The following VCL variants were observed in gnomAD, a reference collection of about 807,000 sequenced individuals.
The protein encoded by VCL is epididymis luminal protein 114.
Under a neutral mutation model 125.7 loss-of-function variants are expected in VCL, and 47 were observed. The ratio of observed to expected loss-of-function variants is 0.37; its 90% CI spans 0.30 to 0.48. The LOEUF is 0.48. Ranked by LOEUF, VCL falls within the 20% of genes least tolerant of loss-of-function variation. The pLI is 0.99. For synonymous variants in VCL, 458 were observed against 514.6 expected, an observed-to-expected ratio of 0.89 and a Z score of 1.49; for missense variants, 1,069 against 1,455.5, an observed-to-expected ratio of 0.73 and a Z score of 4.32.
chr10:74,035,106 A>T (rs1840947322), intron 1 of VCL, among the ~76,000 whole-genome samples: 3 of 152,158 alleles, frequency 2.0e-5, no homozygotes, highest in African/African-American at 7.2e-5. Flanking sequence ...TTTAGTTACG[A>T]CTTACATTGT....
At chr10:74,105,597 C>T (rs960863940) in intron 16 of VCL, among the ~76,000 whole-genome samples, 8 of 152,076 alleles carry the variant, frequency 5.3e-5, no homozygotes, top group Non-Finnish European at 1.2e-4. Flanking sequence ...GAGACTCTCA[C>T]CCAGGCCAGA....
intron 1 of VCL, among the ~76,000 whole-genome samples, chr10:74,021,381 A>G (rs772421036): frequency 6.7e-6 from 1 of 149,912 alleles, no homozygotes. Flanking sequence ...CATTTTCAGC[A>G]CTGCAGTTTT....
At chr10:74,035,489 A>G (rs773641779) in intron 1 of VCL, among the ~76,000 whole-genome samples, 38 of 152,280 alleles carry the variant, frequency 2.5e-4, no homozygotes, top group Non-Finnish European at 5.1e-4. Flanking sequence ...AAATGCCCCC[A>G]GGCCTCTTAT....
chr10:74,030,818 C>T (rs926298753), intron 1 of VCL, among the ~76,000 whole-genome samples: 5 of 152,106 alleles, frequency 3.3e-5, no homozygotes, highest in African/African-American at 4.8e-5. Flanking sequence ...ATTATTGGAA[C>T]GCTAAGCTTG....
In VCL at chr10:74,107,296, C is replaced by G. The variant is rs779983509; in HGVS notation, c.2501C>G (p.Ala834Gly). ...ILGAVAKVRE[A>G]FQPQEPDFPP... is the part of the protein sequence containing the mutation. Reference sequence around the variant, plus strand: ...GGAGCTGTGGCCAAGGTCAGAGAAGCCTTCCAACCTCAGGAGCCTGACTTC... The same window carrying G: ...GGAGCTGTGGCCAAGGTCAGAGAAGGCTTCCAACCTCAGGAGCCTGACTTC... Residue 834 changes from alanine (A) to glycine (G), a missense_variant, in exon 17 of 22, where the codon GCC becomes GGC. Physicochemically the swap from Ala to Gly is moderately conservative, Grantham distance 60. Transcript: ENST00000211998. 2 of 1,614,200 alleles carry G rather than the reference C, an allele frequency of 1.2e-6. No individual in the cohort carries two copies. Among genetic ancestry groups the G allele is most frequent in the South Asian group, 1.1e-5 (1 of 91,088 alleles).
At chr10:74,073,746 C>T (rs1839530049) in intron 5 of VCL, among the ~76,000 whole-genome samples, 2 of 152,282 alleles carry the variant, frequency 1.3e-5, no homozygotes, top group East Asian at 3.9e-4. Context: ...GGGAGTAGCA[C>T]TTATTGAGTG....
At chr10:74,091,086 C>A (rs1206314268) in intron 10 of VCL, among the ~76,000 whole-genome samples, 7 of 152,172 alleles carry the variant, frequency 4.6e-5, no homozygotes, top group African/African-American at 1.7e-4. Flanking sequence ...CAGGCATGAG[C>A]CACTGCACCT....
intron 2 of VCL, among the ~76,000 whole-genome samples, chr10:74,065,732 G>A (rs941268632): frequency 6.6e-5 from 10 of 151,490 alleles, no homozygotes; most frequent in East Asian, 1.9e-4. Context: ...ATAGTTTATC[G>A]TTTCACATTG....
chr10:74,105,471 C>A, intron 16 of VCL, 118 bp downstream of exon 16: 1 of 1,257,926 alleles, frequency 7.9e-7, no homozygotes, highest in Non-Finnish European at 1.1e-6. Flanking sequence ...AAACTATAGA[C>A]ACTTAGTTTG....
rs762298262 is a variant in VCL, at chr10:74,117,989, C to T, written c.3259-34C>T. 10 of 1,612,934 alleles carry T rather than the reference C, an allele frequency of 6.2e-6. No individual in the cohort carries two copies. In the African/African-American group the frequency reaches 1.3e-4, roughly 22 times the overall value. ...TTTAGAGACAGGCCTGCATCAGGGA[C>T]CCTGGGTAACGGAAAGTACCTTTTT... On this transcript the variant is annotated intron_variant, in intron 21 of 21. Coordinates refer to ENST00000211998, the MANE Select transcript of VCL (RefSeq NM_014000.3).
intron 16 of VCL, among the ~76,000 whole-genome samples, chr10:74,106,157 G>A (rs976193330): frequency 6.6e-6 from 1 of 151,848 alleles, no homozygotes; most frequent in Non-Finnish European, 1.5e-5. Context: ...CCAGACCTCA[G>A]TTGATCCACC....
chr10:73,998,690 C>A (rs1419027467), intron 1 of VCL, among the ~76,000 whole-genome samples: 3 of 152,214 alleles, frequency 2.0e-5, no homozygotes, highest in Non-Finnish European at 4.4e-5. Context: ...CAGCAGACAC[C>A]CAATAAATGA....
chr10:74,100,926 T>C (rs1354360565), intron 13 of VCL, 22 bp from the exon 14 acceptor site: 1 of 1,613,710 alleles, frequency 6.2e-7, no homozygotes, highest in African/African-American at 1.3e-5. Flanking sequence ...TAAATGTTCT[T>C]AATATCTGTT....
intron 16 of VCL, among the ~76,000 whole-genome samples, chr10:74,105,912 CTTTTT>C (rs34837874): frequency 1.4e-4 from 10 of 70,102 alleles, no homozygotes; most frequent in African/African-American, 6.2e-4. Flanking sequence ...AACCTCTGCG[CTTTTT>C]TTTTTTTTTT....
chr10:74,057,170 C>T (rs1001346051), intron 2 of VCL, among the ~76,000 whole-genome samples: 2 of 151,918 alleles, frequency 1.3e-5, no homozygotes, highest in African/African-American at 2.4e-5. Flanking sequence ...TTCTCAAACT[C>T]CTGGGCTCAA....
At chr10:74,101,557 T>TA (rs1840057962) in intron 14 of VCL, among the ~76,000 whole-genome samples, 2 of 141,846 alleles carry the variant, frequency 1.4e-5, no homozygotes, top group African/African-American at 5.3e-5. Flanking sequence ...TTTTTTTTTT[T>TA]TTTTTTTTTG....
At chr10:74,085,412 T>A (rs1202796688) in intron 8 of VCL, among the ~76,000 whole-genome samples, 1 of 152,228 alleles carries the variant, frequency 6.6e-6, no homozygotes, top group African/African-American at 2.4e-5. Context: ...AAAAAAATCA[T>A]TTAACTAGGT....
At chr10:74,036,918 T>G (rs904644357) in intron 1 of VCL, among the ~76,000 whole-genome samples, 1 of 151,512 alleles carries the variant, frequency 6.6e-6, no homozygotes, top group African/African-American at 2.4e-5. Flanking sequence ...TTTCTTTTTT[T>G]TTTTTCTTTT....
chr10:74,030,206 G>A (rs1301927243), intron 1 of VCL, among the ~76,000 whole-genome samples: 4 of 152,142 alleles, frequency 2.6e-5, no homozygotes, highest in African/African-American at 7.2e-5. Flanking sequence ...GGAAAATGCC[G>A]GCCCTAACTG....
Sources: gnomAD v4.1 joint callset for allele counts (sites outside exome capture counted in the v4.1 genomes callset) on GRCh38, gnomAD v4.1.1 for gene constraint, MANE v1.5 for transcripts, NCBI Gene and HGNC (gene_info 2026-07-23, HGNC 2026-07-21) for gene names.